The following COG6 variants were observed in gnomAD, a reference collection of about 807,000 sequenced individuals.
COG6 encodes the protein component of oligomeric golgi complex 6, also known as conserved oligomeric Golgi complex subunit 6.
In COG6, 74 loss-of-function variants were observed where a neutral mutation model predicts 88.8. That is an observed-to-expected ratio of 0.83 (90% CI 0.69 to 1.01). COG6 has a LOEUF of 1.01. Among genes scored for constraint, COG6 ranks in the 50% least tolerant of loss-of-function variants. The pLI is 0.00. For synonymous variants in COG6, 286 were observed against 278.7 expected (o/e 1.03, Z -0.26); for missense variants, 800 against 797.9 (o/e 1.00, Z -0.03).
intron 13 of COG6, among the ~76,000 whole-genome samples, chr13:39,706,221 A>ATT (rs1877889268): frequency 1.6e-5 from 2 of 127,970 alleles, no homozygotes; most frequent in Admixed American, 1.9e-4. Flanking sequence ...TCCTTTATAT[A>ATT]TATATATACT....
At chr13:39,788,572 A>C in exon 19 of COG6, 1 of 575,174 alleles carries the variant, frequency 1.7e-6, no homozygotes. Flanking sequence ...AATAATGCGG[A>C]TCATAATACG....
chr13:39,676,550 G>A lies in COG6; in HGVS notation c.429-918G>A, dbSNP rs555893994. On this transcript the variant is annotated intron_variant, in intron 4 of 18. Transcript: ENST00000455146. ...ATTTCTTTATTCAGTAGGAGCATTA[G>A]CATTCAACTTTGAATTTAAAACCTC... Among the ~76,000 whole-genome samples, 103 of 152,200 alleles carry A rather than the reference G, an allele frequency of 6.8e-4. 1 individual carries two copies. The highest frequency in any genetic ancestry group is 2.5e-3 in the African/African-American group (102 of 41,540).
At chr13:39,686,868 T>C (rs1876675684) in intron 8 of COG6, among the ~76,000 whole-genome samples, 2 of 151,896 alleles carry the variant, frequency 1.3e-5, no homozygotes, top group Admixed American at 1.3e-4. Flanking sequence ...TAGCTGGGAC[T>C]ATAGGCATGC....
chr13:39,720,936 A>G (rs1052695700), intron 15 of COG6, among the ~76,000 whole-genome samples: 9 of 152,080 alleles, frequency 5.9e-5, no homozygotes, highest in Non-Finnish European at 4.4e-5. Flanking sequence ...CAATGTAGCT[A>G]TATTATAAAT....
At position 39,667,409 on chromosome 13, in the gene COG6, T is replaced by C. The variant is rs1593409725; in HGVS notation, c.428+2255T>C. On this transcript the variant is annotated intron_variant, in intron 4 of 18. Transcript: ENST00000455146. ...CAAGTTGATGTTGTCCTCAGATTTATAGAATTGCAAATTGCCTGGATAGAA... is the reference window on the plus strand; with the variant it reads ...CAAGTTGATGTTGTCCTCAGATTTACAGAATTGCAAATTGCCTGGATAGAA... Among the ~76,000 whole-genome samples, 4 of 152,220 alleles carry C rather than the reference T, an allele frequency of 2.6e-5. No individual in the cohort carries two copies. The South Asian group carries it at 8.3e-4, about 31-fold the overall frequency.
intron 13 of COG6, among the ~76,000 whole-genome samples, 189 bp from the exon 14 acceptor site, chr13:39,719,047 C>A (rs773156000): frequency 6.6e-6 from 1 of 152,076 alleles, no homozygotes; most frequent in South Asian, 2.1e-4. Context: ...GATAATCTGA[C>A]AAAGAACTTT....
intron 4 of COG6, 21 bp downstream of exon 4, chr13:39,665,175 C>A (rs1055520306): frequency 3.8e-6 from 5 of 1,324,690 alleles, no homozygotes; most frequent in Non-Finnish European, 5.4e-6. Flanking sequence ...CTTCATACAA[C>A]CACCTTTTCA....
At chr13:39,777,533 G>A (rs1307509332) in intron 18 of COG6, among the ~76,000 whole-genome samples, 2 of 152,168 alleles carry the variant, frequency 1.3e-5, no homozygotes, top group Non-Finnish European at 2.9e-5. Context: ...TGTATTACTT[G>A]GTGGAAAACT....
chr13:39,767,737 TC>T (rs1881209212), intron 18 of COG6, among the ~76,000 whole-genome samples: 1 of 152,200 alleles, frequency 6.6e-6, no homozygotes, highest in Admixed American at 6.5e-5. Context: ...GCAGTCATGT[TC>T]CTTTCACTCA....
intron 7 of COG6, 86 bp from the exon 8 acceptor site, chr13:39,682,085 A>G (rs1033234125): frequency 6.5e-6 from 6 of 923,910 alleles, no homozygotes; most frequent in African/African-American, 3.3e-5. Context: ...GGTGTTTGCC[A>G]TAGAATTTAG....
intron 18 of COG6, among the ~76,000 whole-genome samples, chr13:39,781,135 A>T (rs545561990): frequency 6.6e-6 from 1 of 152,266 alleles, no homozygotes; most frequent in Admixed American, 6.5e-5. Context: ...ACTCTCATCC[A>T]AGGAAAATAA....
chr13:39,717,083 A>T (rs940370489), intron 13 of COG6, among the ~76,000 whole-genome samples: 1 of 152,084 alleles, frequency 6.6e-6, no homozygotes, highest in African/African-American at 2.4e-5. Context: ...CTTGAAGAAT[A>T]GTTTTGCTGA....
At chr13:39,657,127 G>C (rs1469982785) in intron 1 of COG6, among the ~76,000 whole-genome samples, 1 of 152,150 alleles carries the variant, frequency 6.6e-6, no homozygotes, top group Non-Finnish European at 1.5e-5. Flanking sequence ...TGCCTCCCGG[G>C]TTCAAGCGAT....
chr13:39,659,352 C>T lies in COG6; in HGVS notation c.154-12C>T, dbSNP rs368678409. On this transcript the variant is annotated splice_polypyrimidine_tract_variant and intron_variant, in intron 1 of 18. Transcript: ENST00000455146. The stretch of plus-strand genomic sequence containing the variant: ...TAGTTCCAGTAACTGTCTTCTGTTA[C>T]CAATTGTATAGGAGATGTTAGAAGC... 2.9e-5 allele frequency: 47 copies of T among 1,612,476 alleles called. No individual in the cohort carries two copies. In the Middle Eastern group the frequency reaches 5.0e-4, roughly 17 times the overall value.
At chr13:39,700,770 G>A (rs1877531431) in intron 13 of COG6, among the ~76,000 whole-genome samples, 3 of 151,838 alleles carry the variant, frequency 2.0e-5, no homozygotes, top group Admixed American at 2.0e-4. Context: ...AAAGACATGT[G>A]CCTAGGGTAT....
chr13:39,771,543 G>T (rs934469573), intron 18 of COG6, among the ~76,000 whole-genome samples: 1 of 152,220 alleles, frequency 6.6e-6, no homozygotes, highest in African/African-American at 2.4e-5. Context: ...GGCACAGAAG[G>T]ATGGTCCTCT....
At chr13:39,704,255 A>G (rs758307527) in intron 13 of COG6, among the ~76,000 whole-genome samples, 1 of 152,160 alleles carries the variant, frequency 6.6e-6, no homozygotes, top group Non-Finnish European at 1.5e-5. Context: ...ACAACATGGG[A>G]GTTATGATGC....
At chr13:39,679,462 G>C (rs1876175988) in intron 5 of COG6, 76 bp from the exon 6 acceptor site, 2 of 822,000 alleles carry the variant, frequency 2.4e-6, no homozygotes, top group South Asian at 2.7e-5. Context: ...GTTTGCCCTT[G>C]GTAGTGACCT....
At chr13:39,710,146 A>G (rs1388932075) in intron 13 of COG6, among the ~76,000 whole-genome samples, 2 of 152,030 alleles carry the variant, frequency 1.3e-5, no homozygotes, top group African/African-American at 2.4e-5. Context: ...ATATCTCTCC[A>G]TTTACTTAGG....
Sources: allele counts gnomAD v4.1 joint callset (sites outside exome capture counted in the v4.1 genomes callset), GRCh38; gene constraint gnomAD v4.1.1; transcripts MANE v1.5; gene names NCBI Gene and HGNC (gene_info 2026-07-23, HGNC 2026-07-21).